The following TRPC1 variants were observed in gnomAD, a reference collection of about 807,000 sequenced individuals.
The protein encoded by TRPC1 is short transient receptor potential channel 1.
A neutral mutation model predicts 88.2 loss-of-function variants in TRPC1; 42 were observed. That is an observed-to-expected ratio of 0.48 (90% confidence interval 0.37 to 0.62). The LOEUF (loss-of-function observed/expected upper bound fraction) is 0.62. Among genes scored for constraint, TRPC1 ranks in the 20% least tolerant of loss-of-function variants. TRPC1 has a pLI of 0.00. For synonymous variants in TRPC1, 288 were observed against 331.8 expected (o/e 0.87, Z 1.43); for missense variants, 699 against 957.3 (o/e 0.73, Z 3.56).
At chr3:142,778,234 T>C (rs1028147038) in intron 5 of TRPC1, among the ~76,000 whole-genome samples, 1 of 152,196 alleles carries the variant, frequency 6.6e-6, no homozygotes, top group African/African-American at 2.4e-5. Flanking sequence ...TTTCACTATT[T>C]GCTCAGATTT....
chr3:142,757,864 G>A (rs1306587985), intron 4 of TRPC1, among the ~76,000 whole-genome samples: 2 of 151,898 alleles, frequency 1.3e-5, no homozygotes, highest in African/African-American at 4.8e-5. Flanking sequence ...TATTTATTGG[G>A]TACATGGGAT....
At chr3:142,749,926 A>G (rs1229719698) in intron 4 of TRPC1, among the ~76,000 whole-genome samples, 1 of 152,234 alleles carries the variant, frequency 6.6e-6, no homozygotes, top group Admixed American at 6.5e-5. Context: ...TTAACTCAAG[A>G]TGGATTAAAG....
intron 5 of TRPC1, among the ~76,000 whole-genome samples, chr3:142,779,932 C>A (rs1261370543): frequency 6.7e-6 from 1 of 149,844 alleles, no homozygotes; most frequent in Non-Finnish European, 1.5e-5. Flanking sequence ...ACTGCAACCT[C>A]CCCTCCTGGG....
chr3:142,745,280 G>A (rs910026060), intron 3 of TRPC1, among the ~76,000 whole-genome samples: 3 of 152,136 alleles, frequency 2.0e-5, no homozygotes, highest in Admixed American at 2.0e-4. Context: ...CTTTCCTGGG[G>A]GAAGGGTGGG....
chr3:142,804,771 G>A (rs1936735322), intron 12 of TRPC1, 141 bp downstream of exon 12: 8 of 647,230 alleles, frequency 1.2e-5, no homozygotes, highest in South Asian at 5.5e-5. Context: ...CCTAATGTAC[G>A]GCATCGCATC....
chr3:142,727,609 A>T (rs1933736285), intron 1 of TRPC1, among the ~76,000 whole-genome samples: 1 of 152,180 alleles, frequency 6.6e-6, no homozygotes. Context: ...GGTAACATTG[A>T]ATCCTTTCTT....
chr3:142,733,588 A>C (rs1050905544), intron 1 of TRPC1, among the ~76,000 whole-genome samples: 1 of 152,114 alleles, frequency 6.6e-6, no homozygotes, highest in African/African-American at 2.4e-5. Flanking sequence ...AGCAATCTAA[A>C]CTTTTAAACA....
intron 1 of TRPC1, among the ~76,000 whole-genome samples, chr3:142,733,575 A>G (rs765453571): frequency 5.9e-5 from 9 of 152,224 alleles, no homozygotes; most frequent in Non-Finnish European, 1.2e-4. Context: ...TTTCCTTTTT[A>G]ACAGCAATCT....
In TRPC1 at chr3:142,724,409, G is replaced by T. The variant is rs1933567316; in HGVS notation, c.-151G>T. 6.2e-6 allele frequency: 4 copies of T among 647,354 alleles called. No homozygotes were observed. Among genetic ancestry groups the T allele is most frequent in the Middle Eastern group, 4.7e-4 (1 of 2,148 alleles). 40.1% of individuals were successfully genotyped at this position (647,354 alleles called of 1,614,324 possible). Reference sequence around the variant, plus strand: ...AGTGCTGGTTCTCAGGGGAGGCGACGCCCTTCGGGGCCAACGGGCCTCGAG... The same window carrying T: ...AGTGCTGGTTCTCAGGGGAGGCGACTCCCTTCGGGGCCAACGGGCCTCGAG... On this transcript the variant is annotated 5_prime_UTR_variant, in exon 1 of 13. Transcript: ENST00000476941. This position sits in a 1 kb window ranked among gnomAD's most constrained non-coding sequence, Gnocchi z 5.6.
At chr3:142,756,788 GAGGTA>G (rs1226028924) in intron 4 of TRPC1, among the ~76,000 whole-genome samples, 4 of 152,058 alleles carry the variant, frequency 2.6e-5, no homozygotes, top group Admixed American at 2.0e-4. Flanking sequence ...ATTTCTTGTT[GAGGTA>G]AAATATATGT....
At chr3:142,777,558 G>A (rs1289779763) in intron 4 of TRPC1, 74 bp from the exon 5 acceptor site, 47 of 998,464 alleles carry the variant, frequency 4.7e-5, no homozygotes, top group Non-Finnish European at 6.2e-5. Context: ...ATACATTTAT[G>A]AAAATTATAG....
chr3:142,786,588 G>A (rs1431069270), intron 7 of TRPC1, among the ~76,000 whole-genome samples: 1 of 151,820 alleles, frequency 6.6e-6, no homozygotes, highest in Non-Finnish European at 1.5e-5. Context: ...TTTAATTTAG[G>A]AAATAATTTA....
intron 7 of TRPC1, among the ~76,000 whole-genome samples, chr3:142,785,766 T>A (rs1206040125): frequency 1.3e-5 from 2 of 152,236 alleles, no homozygotes; most frequent in African/African-American, 4.8e-5. Context: ...CCCAAAGTGC[T>A]GGGATTATAG....
chr3:142,766,539 T>TACAGG (rs1214491168), intron 4 of TRPC1, among the ~76,000 whole-genome samples: 1 of 152,022 alleles, frequency 6.6e-6, no homozygotes, highest in African/African-American at 2.4e-5. Flanking sequence ...TAGATAGGAC[T>TACAGG]ACAGGCATGT....
At chr3:142,759,270 G>A (rs9758429) in intron 4 of TRPC1, among the ~76,000 whole-genome samples, 46,627 of 152,060 alleles carry the variant, frequency 0.31, 9,016 homozygotes, top group African/African-American at 0.56. Context: ...CACAATGGTT[G>A]AACTAGTTTA....
At chr3:142,772,858 G>A (rs1204890030) in intron 4 of TRPC1, among the ~76,000 whole-genome samples, 1 of 152,060 alleles carries the variant, frequency 6.6e-6, no homozygotes, top group African/African-American at 2.4e-5. Context: ...TGAAGATATT[G>A]GCAAGGTTGA....
intron 4 of TRPC1, among the ~76,000 whole-genome samples, chr3:142,760,009 G>A (rs2108071742): frequency 6.6e-6 from 1 of 152,022 alleles, no homozygotes; most frequent in South Asian, 2.1e-4. Context: ...TATTTTTTTA[G>A]TGGAGATGGG....
At chr3:142,737,925 A>C (rs1340647555) in intron 2 of TRPC1, among the ~76,000 whole-genome samples, 1 of 152,242 alleles carries the variant, frequency 6.6e-6, no homozygotes, top group Non-Finnish European at 1.5e-5. Context: ...TTAAAATTAA[A>C]CACTTAAAGG....
intron 9 of TRPC1, among the ~76,000 whole-genome samples, chr3:142,798,072 C>T (rs944097329): frequency 2.0e-5 from 3 of 152,022 alleles, no homozygotes; most frequent in Non-Finnish European, 2.9e-5. Context: ...GCAGAATCAC[C>T]TGGGGAGCAT....
Sources: allele counts gnomAD v4.1 joint callset (sites outside exome capture counted in the v4.1 genomes callset), GRCh38; gene constraint gnomAD v4.1.1; non-coding constraint Gnocchi (gnomAD v3.1); transcripts MANE v1.5; gene names NCBI Gene and HGNC (gene_info 2026-07-23, HGNC 2026-07-21).